Variants in PDE7A observed in about 807,000 individuals in gnomAD.
The protein encoded by PDE7A is phosphodiesterase 7A, also known as high affinity 3',5'-cyclic-AMP phosphodiesterase 7A.
PDE7A carries 39 observed loss-of-function variants against 64.3 expected under a neutral mutation model. The observed-to-expected ratio is 0.61, with a 90% CI of 0.47 to 0.79. PDE7A has a LOEUF of 0.79. Ranked by LOEUF, PDE7A falls within the 30% of genes least tolerant of loss-of-function variation. The pLI is 0.00. For synonymous variants in PDE7A, 203 were observed against 206.8 expected, an observed-to-expected ratio of 0.98 and a Z score of 0.16; for missense variants, 470 against 582.8, an observed-to-expected ratio of 0.81 and a Z score of 1.99.
chr8:65,739,738 C>G, intron 5 of PDE7A, 141 bp from the exon 6 acceptor site: 1 of 916,304 alleles, frequency 1.1e-6, no homozygotes, highest in Non-Finnish European at 1.4e-6. Context: ...TATGCATCTT[C>G]TTACCAGTTA....
At chr8:65,791,172 A>T (rs1449770871) in intron 1 of PDE7A, among the ~76,000 whole-genome samples, 1 of 152,260 alleles carries the variant, frequency 6.6e-6, no homozygotes, top group East Asian at 1.9e-4. Context: ...AGAGGAAGTA[A>T]GAAAGGCAGT....
chr8:65,758,083 A>C (rs1445950842), intron 3 of PDE7A, among the ~76,000 whole-genome samples: 2 of 152,232 alleles, frequency 1.3e-5, no homozygotes, highest in East Asian at 3.8e-4. Flanking sequence ...GTGCTAGTCC[A>C]GATTGCTGGT....
At chr8:65,727,345 A>G (rs1806653534) in intron 7 of PDE7A, 44 bp from the exon 8 acceptor site, 4 of 1,609,816 alleles carry the variant, frequency 2.5e-6, no homozygotes, top group East Asian at 2.2e-5. Context: ...TATATCTAAA[A>G]TAAGCTCTAC....
chr8:65,834,860 C>T (rs1203386886), intron 1 of PDE7A, among the ~76,000 whole-genome samples: 3 of 152,190 alleles, frequency 2.0e-5, no homozygotes, highest in Non-Finnish European at 2.9e-5. Context: ...ATAAAAGGAA[C>T]CTACCAGCAG....
intron 12 of PDE7A, chr8:65,719,718 A>G: frequency 1.8e-6 from 1 of 553,332 alleles, no homozygotes. Flanking sequence ...AGTAAAAGTG[A>G]ACTGACAAAT....
At chr8:65,811,266 G>T (rs1305853537) in intron 1 of PDE7A, among the ~76,000 whole-genome samples, 1 of 152,188 alleles carries the variant, frequency 6.6e-6, no homozygotes, top group Non-Finnish European at 1.5e-5. Flanking sequence ...TCTGGCCAGG[G>T]TGCAGCACCC....
intron 5 of PDE7A, among the ~76,000 whole-genome samples, chr8:65,742,866 G>A (rs1807504699): frequency 6.6e-6 from 1 of 152,190 alleles, no homozygotes; most frequent in African/African-American, 2.4e-5. Flanking sequence ...ACCCTAAGGG[G>A]AAACTAGTTA....
intron 1 of PDE7A, among the ~76,000 whole-genome samples, chr8:65,834,087 G>C (rs1339056584): frequency 6.6e-6 from 1 of 152,126 alleles, no homozygotes; most frequent in Non-Finnish European, 1.5e-5. Flanking sequence ...CTTACAAGCA[G>C]ATTTTTTTCA....
intron 1 of PDE7A, among the ~76,000 whole-genome samples, chr8:65,822,875 T>C (rs1810576346): frequency 6.6e-6 from 1 of 152,164 alleles, no homozygotes; most frequent in African/African-American, 2.4e-5. Flanking sequence ...TGCATAGTAA[T>C]TTAACAGATT....
At chr8:65,836,087 G>A (rs1235421355) in intron 1 of PDE7A, among the ~76,000 whole-genome samples, 1 of 152,152 alleles carries the variant, frequency 6.6e-6, no homozygotes, top group Non-Finnish European at 1.5e-5. Flanking sequence ...CAGGTGTTTT[G>A]AGAATACACA....
Position 65,747,755 on chromosome 8 carries a change from A to G in PDE7A, c.332T>C (p.Leu111Pro). The G allele has an allele frequency of 6.2e-7, 1 of 1,609,782 alleles. No individual in the cohort carries two copies. The highest frequency in any genetic ancestry group is 8.5e-7 in the Non-Finnish European group (1 of 1,176,356). ...VSVSARNIRR[L>P]LSFQRYLRSS... ...TCTAAGATATCGCTGGAAACTTAGT[A>G]GCCTTCTGATATTCCTTGCAGAGAC... Residue 111 changes from leucine (L) to proline (P), a missense_variant, in exon 4 of 13, where the codon CTA becomes CCA. By Grantham distance (98) the Leu-to-Pro change is moderately conservative. Transcript: ENST00000401827.
chr8:65,723,698 C>T, intron 11 of PDE7A, 77 bp from the exon 12 acceptor site: 1 of 1,008,094 alleles, frequency 9.9e-7, no homozygotes, highest in Non-Finnish European at 1.4e-6. Flanking sequence ...CTTGAACATA[C>T]CTGTGCATTT....
In PDE7A at chr8:65,731,986, ATTG is replaced by A. The variant is rs59755336; in HGVS notation, c.696+2805_696+2807del. On this transcript the variant is annotated intron_variant, in intron 7 of 12. Transcript: ENST00000401827. ...TCTCTATATTATTATTATTATTATT[ATTG>A]TTGTTGTTGTTGTTGTTGTTGTTAT... is the stretch of plus-strand genomic sequence containing the variant. Among the ~76,000 whole-genome samples the A allele has an allele frequency of 8.3e-3, 1,146 of 138,746 alleles. 7 individuals are homozygous for A. Among genetic ancestry groups the A allele is most frequent in the African/African-American group, 0.028 (1,021 of 36,596 alleles). The allele number at this position is 138,746 out of a possible 152,430, so 91.0% of individuals were successfully genotyped here.
rs572145492 is a variant in PDE7A at position 65,775,880 on chromosome 8, C to T, written c.283+3840G>A. 7.6e-4 allele frequency among the ~76,000 whole-genome samples: 115 copies of T among 152,260 alleles called. 1 individual carries two copies. Among genetic ancestry groups the T allele is most frequent in the East Asian group, 7.7e-4 (4 of 5,174 alleles). On this transcript the variant is annotated intron_variant, in intron 3 of 12. Transcript: ENST00000401827. ...CTGACCTCAGGTGATCCACCTGCCT[C>T]GGCTTTCCAAAGTGCTAGATTACGG...
At chr8:65,785,997 T>C (rs1809546943) in intron 1 of PDE7A, among the ~76,000 whole-genome samples, 1 of 152,144 alleles carries the variant, frequency 6.6e-6, no homozygotes, top group Non-Finnish European at 1.5e-5. Context: ...GTAATGCGCA[T>C]AGTCTAGATA....
At chr8:65,837,463 G>A (rs1278203860) in intron 1 of PDE7A, among the ~76,000 whole-genome samples, 1 of 152,172 alleles carries the variant, frequency 6.6e-6, no homozygotes, top group African/African-American at 2.4e-5. Flanking sequence ...CCTTGGAGAT[G>A]GGACCCAAGT....
At chr8:65,724,982 T>C in intron 9 of PDE7A, 61 bp from the exon 10 acceptor site, 1 of 1,147,432 alleles carries the variant, frequency 8.7e-7, no homozygotes, top group East Asian at 2.7e-5. Context: ...TTATTGATTT[T>C]TTTTCTTAAC....
chr8:65,779,027 G>A (rs1343680345), intron 3 of PDE7A, among the ~76,000 whole-genome samples: 1 of 152,164 alleles, frequency 6.6e-6, no homozygotes, highest in Non-Finnish European at 1.5e-5. Flanking sequence ...ATGCTATTAA[G>A]AAGAAAAGTG....
rs1585914235 is a variant in PDE7A, at chr8:65,782,697, C to A, written c.199+86G>T. 1.7e-5 allele frequency: 12 copies of A among 702,606 alleles called. No homozygotes were observed. The East Asian group carries it at 3.3e-4, about 19-fold the overall frequency. 43.5% of individuals were successfully genotyped at this position (702,606 alleles called of 1,614,324 possible). On this transcript the variant is annotated intron_variant, in intron 2 of 12. Coordinates refer to ENST00000401827, the MANE Select transcript of PDE7A (RefSeq NM_001242318.3). ...TTCTACTACAAACAGTGATGAAAAG[C>A]TATCTAATGAAAGATACCTCAAACT...
Sources: gnomAD v4.1 joint callset for allele counts (sites outside exome capture counted in the v4.1 genomes callset) on GRCh38, gnomAD v4.1.1 for gene constraint, MANE v1.5 for transcripts, NCBI Gene and HGNC (gene_info 2026-07-23, HGNC 2026-07-21) for gene names.